Variants in DHTKD1 observed in about 807,000 individuals in gnomAD.
DHTKD1 encodes the protein 2-oxoadipate dehydrogenase complex component E1.
Under a neutral mutation model 101.8 loss-of-function variants are expected in DHTKD1, and 78 were observed. The observed-to-expected ratio is 0.77, with a 90% CI of 0.64 to 0.93. The LOEUF is 0.93. Ranked by LOEUF, DHTKD1 falls within the 40% of genes least tolerant of loss-of-function variation. The pLI is 0.00. For missense variants in DHTKD1, 1,223 were observed against 1,161.7 expected, an observed-to-expected ratio of 1.05 and a Z score of -0.77; for synonymous variants, 462 against 450.3, an observed-to-expected ratio of 1.03 and a Z score of -0.33.
intron 8 of DHTKD1, among the ~76,000 whole-genome samples, chr10:12,099,184 AT>A (rs925061539): frequency 3.6e-4 from 54 of 151,842 alleles, no homozygotes; most frequent in African/African-American, 1.3e-3. Context: ...AAAAGAGGAA[AT>A]TAAAAAAAAA....
intron 12 of DHTKD1, among the ~76,000 whole-genome samples, chr10:12,111,863 T>C (rs1588617639): frequency 6.6e-6 from 1 of 152,186 alleles, no homozygotes; most frequent in Admixed American, 6.6e-5. Context: ...CATCTCAGAC[T>C]GTTGGTCAGG....
At chr10:12,088,901 G>A (rs1832943797) in intron 4 of DHTKD1, 85 bp from the exon 5 acceptor site, 1 of 1,302,850 alleles carries the variant, frequency 7.7e-7, no homozygotes. Context: ...TTTCTTTTTT[G>A]TTGTATGATT....
At chr10:12,097,475 C>T (rs1450313073) in intron 7 of DHTKD1, among the ~76,000 whole-genome samples, 7 of 151,902 alleles carry the variant, frequency 4.6e-5, no homozygotes, top group Admixed American at 1.3e-4. Flanking sequence ...GGTTTCACCA[C>T]GTTGGCCAGG....
chr10:12,089,679 C>CT (rs957153092), intron 5 of DHTKD1, among the ~76,000 whole-genome samples: 13 of 150,714 alleles, frequency 8.6e-5, no homozygotes, highest in South Asian at 4.2e-4. Context: ...TTTTTTATGG[C>CT]TTTTTTTTTG....
At chr10:12,070,492 T>C (rs193222508) in intron 1 of DHTKD1, among the ~76,000 whole-genome samples, 74 of 152,306 alleles carry the variant, frequency 4.9e-4, no homozygotes, top group Admixed American at 4.3e-3. Flanking sequence ...TGTCTCTCTC[T>C]CTTTTTTTAA....
chr10:12,100,956 A>T, intron 9 of DHTKD1, 86 bp from the exon 10 acceptor site: 1 of 1,378,782 alleles, frequency 7.3e-7, no homozygotes, highest in South Asian at 1.3e-5. Context: ...CTCAGGATTA[A>T]GCCAGTATAT....
rs187282709 is a variant in DHTKD1, at chr10:12,083,724, A to T, written c.311-816A>T. Among the ~76,000 whole-genome samples the T allele has an allele frequency of 4.3e-3, 655 of 152,214 alleles. 7 individuals are homozygous for T. Among genetic ancestry groups the T allele is most frequent in the African/African-American group, 0.012 (491 of 41,556 alleles). ...ACTCCAGCCTGGGCAACAAGAGCAA[A>T]AACTCCATCACACACACACATACAA... On this transcript the variant is annotated intron_variant, in intron 2 of 16. Coordinates refer to ENST00000263035, the MANE Select transcript of DHTKD1 (RefSeq NM_018706.7).
intron 6 of DHTKD1, among the ~76,000 whole-genome samples, chr10:12,092,035 GC>G (rs2131361050): frequency 6.7e-6 from 1 of 148,368 alleles, no homozygotes; most frequent in Admixed American, 6.9e-5. Context: ...TGTACTCCAT[GC>G]TGGAGTACGT....
chr10:12,092,663 C>T (rs1237301023), intron 6 of DHTKD1, among the ~76,000 whole-genome samples: 3 of 151,818 alleles, frequency 2.0e-5, no homozygotes, highest in African/African-American at 7.3e-5. Flanking sequence ...ATTAGCTGGG[C>T]ATGGTGGTGC....
intron 15 of DHTKD1, among the ~76,000 whole-genome samples, chr10:12,119,628 A>C (rs1049274748): frequency 3.3e-5 from 5 of 151,346 alleles, no homozygotes; most frequent in Admixed American, 1.3e-4. Flanking sequence ...AAAAAAAAAA[A>C]AAAAAAAGAA....
rs1833515535 is a variant in DHTKD1, at chr10:12,120,834, T to C, written c.2706T>C (p.Ile902=). 6.2e-7 allele frequency: 1 copy of C among 1,614,160 alleles called. No homozygotes were observed. The highest frequency in any genetic ancestry group is 8.5e-7 in the Non-Finnish European group (1 of 1,179,994). ...RPPLPVPAVG[I]GTVHLHQHED... ...CTTTGCCAGTACCCGCTGTAGGAAT[T>C]GGCACAGTTCACTTGCACCAGCATG... is the stretch of plus-strand genomic sequence containing the variant. The change falls in exon 17 of 17, where the codon ATT becomes ATC. Residue 902 remains isoleucine (I), a synonymous_variant. Transcript: ENST00000263035.
At chr10:12,108,950 G>A (rs987664752) in intron 12 of DHTKD1, among the ~76,000 whole-genome samples, 1 of 152,050 alleles carries the variant, frequency 6.6e-6, no homozygotes, top group African/African-American at 2.4e-5. Context: ...TCAGGAGTTT[G>A]AGACCAGCCT....
chr10:12,083,820 GC>G (rs768669966), intron 2 of DHTKD1, among the ~76,000 whole-genome samples: 1 of 152,088 alleles, frequency 6.6e-6, no homozygotes, highest in Non-Finnish European at 1.5e-5. Context: ...GGAAGTGGGG[GC>G]TTTCCCCCTT....
In DHTKD1 at chr10:12,095,729, C is replaced by T. The variant is rs1409763704; in HGVS notation, c.1358+1458C>T. Among the ~76,000 whole-genome samples the T allele has an allele frequency of 5.8e-5, 8 of 138,738 alleles. No homozygotes were observed. In the South Asian group the frequency reaches 7.4e-4, roughly 13 times the overall value. 91.0% of individuals were successfully genotyped at this position (138,738 alleles called of 152,430 possible). ...TCGGGAGGCTGAGGCAGGAGAATGG[C>T]GTGAACCCGGGAGGCGGAGCTTGCA... On this transcript the variant is annotated intron_variant, in intron 7 of 16. Coordinates refer to ENST00000263035, the MANE Select transcript of DHTKD1 (RefSeq NM_018706.7).
chr10:12,112,788 C>A, intron 12 of DHTKD1, 112 bp from the exon 13 acceptor site: 1 of 1,085,374 alleles, frequency 9.2e-7, no homozygotes, highest in Non-Finnish European at 1.3e-6. Context: ...TGGGCAATAG[C>A]TTTTCTGCTA....
At chr10:12,116,547 C>T (rs931602206) in intron 13 of DHTKD1, among the ~76,000 whole-genome samples, 3 of 151,690 alleles carry the variant, frequency 2.0e-5, no homozygotes, top group Non-Finnish European at 2.9e-5. Context: ...TGCACCACCA[C>T]GCCCAGCTAA....
chr10:12,098,185 C>G (rs1290508829), intron 8 of DHTKD1, among the ~76,000 whole-genome samples, 189 bp downstream of exon 8: 1 of 152,114 alleles, frequency 6.6e-6, no homozygotes, highest in East Asian at 1.9e-4. Flanking sequence ...CTCTTCTTTT[C>G]TTTTTCCTCC....
At chr10:12,090,153 G>C (rs1466743380) in intron 5 of DHTKD1, among the ~76,000 whole-genome samples, 2 of 152,078 alleles carry the variant, frequency 1.3e-5, no homozygotes, top group African/African-American at 4.8e-5. Flanking sequence ...ATTTAAATAT[G>C]AACCTTTAAC....
rs1201402536 is a variant in DHTKD1, at chr10:12,084,570, C to T, written c.341C>T (p.Ser114Leu). 6.2e-7 allele frequency: 1 copy of T among 1,612,620 alleles called. No homozygotes were observed. The highest frequency in any genetic ancestry group is 1.7e-4 in the Middle Eastern group (1 of 6,060). Residue 114 changes from serine (S) to leucine (L), a missense_variant, in exon 3 of 17, where the codon TCA becomes TTA. By Grantham distance (145) the Ser-to-Leu change is moderately radical. Coordinates refer to ENST00000263035, the MANE Select transcript of DHTKD1 (RefSeq NM_018706.7). The stretch of plus-strand genomic sequence containing the variant: ...TTGAACATGGGGAAGGAAGAGGCCT[C>T]ACTTGAGGAAGTGTTAGTCTATCTC... Reference protein sequence around the residue: ...GLLNMGKEEASLEEVLVYLNQ... With the variant: ...GLLNMGKEEALLEEVLVYLNQ...
Sources: gnomAD v4.1 joint callset for allele counts (sites outside exome capture counted in the v4.1 genomes callset) on GRCh38, gnomAD v4.1.1 for gene constraint, MANE v1.5 for transcripts, NCBI Gene and HGNC (gene_info 2026-07-23, HGNC 2026-07-21) for gene names.